Variants in CORO2A observed in about 807,000 individuals in gnomAD.
CORO2A encodes coronin 2A, also known as coronin-2A.
Under a neutral mutation model 62.4 loss-of-function variants are expected in CORO2A, and 47 were observed. The observed-to-expected ratio is 0.75, with a 90% CI of 0.60 to 0.96. CORO2A has a LOEUF of 0.96. Among genes scored for constraint, CORO2A ranks in the 40% least tolerant of loss-of-function variants. The pLI is 0.00. For missense variants in CORO2A, 610 were observed against 684.1 expected, an observed-to-expected ratio of 0.89 and a Z score of 1.21; for synonymous variants, 273 against 268.9, an observed-to-expected ratio of 1.02 and a Z score of -0.15.
chr9:98,130,371 G>A (rs1356226603), intron 7 of CORO2A, among the ~76,000 whole-genome samples: 1 of 152,198 alleles, frequency 6.6e-6, no homozygotes, highest in Non-Finnish European at 1.5e-5. Flanking sequence ...ATAGGCATGA[G>A]CCACTGTGCT....
intron 1 of CORO2A, among the ~76,000 whole-genome samples, chr9:98,163,106 T>C (rs1466625424): frequency 6.6e-6 from 1 of 152,246 alleles, no homozygotes; most frequent in Non-Finnish European, 1.5e-5. Flanking sequence ...CCTGATGCCA[T>C]GGGATTAGGC....
chr9:98,176,343 T>C (rs1777977671), intron 1 of CORO2A, among the ~76,000 whole-genome samples: 1 of 152,216 alleles, frequency 6.6e-6, no homozygotes, highest in South Asian at 2.1e-4. Flanking sequence ...AATTCTGCCC[T>C]TCTTTCCCCA....
intron 6 of CORO2A, 63 bp from the exon 7 acceptor site, chr9:98,131,122 C>T (rs955707291): frequency 4.8e-5 from 54 of 1,123,318 alleles, no homozygotes; most frequent in Non-Finnish European, 6.4e-5. Context: ...GTGGTGCTCC[C>T]GGAGATAAGA....
intron 2 of CORO2A, among the ~76,000 whole-genome samples, chr9:98,154,136 T>C (rs973402710): frequency 8.0e-5 from 12 of 150,246 alleles, no homozygotes; most frequent in African/African-American, 2.5e-4. Flanking sequence ...CAATATTTTT[T>C]TCTTTCTTAT....
At chr9:98,190,921 G>A (rs1828298603) in intron 1 of CORO2A, among the ~76,000 whole-genome samples, 1 of 152,214 alleles carries the variant, frequency 6.6e-6, no homozygotes, top group Non-Finnish European at 1.5e-5. Flanking sequence ...CTCCACCATG[G>A]CCGCAGGGCA....
chr9:98,132,087 G>T (rs1827416245), intron 6 of CORO2A, 98 bp downstream of exon 6: 2 of 930,052 alleles, frequency 2.2e-6, no homozygotes, highest in South Asian at 1.4e-5. Flanking sequence ...CGCTAAATGT[G>T]TGTGTCATAA....
At chr9:98,132,324 T>C (rs1827420559) in intron 5 of CORO2A, 23 bp from the exon 6 acceptor site, 3 of 1,596,574 alleles carry the variant, frequency 1.9e-6, no homozygotes, top group East Asian at 2.2e-5. Context: ...GTGCGGTCGG[T>C]ATTGGAGAGA....
chr9:98,148,771 A>G (rs1827681659), intron 2 of CORO2A, among the ~76,000 whole-genome samples: 2 of 145,246 alleles, frequency 1.4e-5, no homozygotes. Flanking sequence ...AAAACAAAAC[A>G]AACAAACAAA....
intron 2 of CORO2A, among the ~76,000 whole-genome samples, chr9:98,153,585 T>C (rs1827757010): frequency 6.6e-6 from 1 of 151,630 alleles, no homozygotes; most frequent in Non-Finnish European, 1.5e-5. Context: ...TAAAAAGCAA[T>C]TTTTTAAGAG....
At chr9:98,149,903 T>C (rs1297719366) in intron 2 of CORO2A, among the ~76,000 whole-genome samples, 1 of 151,888 alleles carries the variant, frequency 6.6e-6, no homozygotes, top group Non-Finnish European at 1.5e-5. Flanking sequence ...AGGATCAGGC[T>C]GTGTAGGACA....
chr9:98,127,862 G>C (rs180890830), intron 10 of CORO2A, among the ~76,000 whole-genome samples: 1 of 151,782 alleles, frequency 6.6e-6, no homozygotes, highest in Admixed American at 6.6e-5. Context: ...CAGAGGTAGG[G>C]GTGGGGAACA....
chr9:98,131,401 C>G (rs1322047136), intron 6 of CORO2A, among the ~76,000 whole-genome samples: 1 of 151,060 alleles, frequency 6.6e-6, no homozygotes, highest in African/African-American at 2.4e-5. Context: ...TCATAGCTCA[C>G]TGCAGTCTCA....
At chr9:98,172,079 TC>T (rs1828044617) in intron 1 of CORO2A, among the ~76,000 whole-genome samples, 1 of 151,868 alleles carries the variant, frequency 6.6e-6, no homozygotes, top group South Asian at 2.1e-4. Context: ...GGGAGAGAAT[TC>T]TGAGGCCTTC....
At chr9:98,140,116 C>T (rs1827545495) in intron 2 of CORO2A, among the ~76,000 whole-genome samples, 1 of 152,178 alleles carries the variant, frequency 6.6e-6, no homozygotes, top group South Asian at 2.1e-4. Context: ...GGCCCTCGAC[C>T]TCCCACATCC....
intron 1 of CORO2A, among the ~76,000 whole-genome samples, chr9:98,184,406 A>G (rs1828213130): frequency 6.6e-6 from 1 of 152,152 alleles, no homozygotes; most frequent in African/African-American, 2.4e-5. Flanking sequence ...AATTAGCTTG[A>G]TGTCTGTCTG....
intron 1 of CORO2A, among the ~76,000 whole-genome samples, chr9:98,180,002 C>CAAACAAAACAAAACA (rs148470079): frequency 6.6e-6 from 1 of 151,498 alleles, no homozygotes; most frequent in Non-Finnish European, 1.5e-5. Flanking sequence ...GACTCCATCT[C>CAAACAAAACAAAACA]AAACAAAACA....
Position 98,156,015 on chromosome 9 carries a change from T to A in CORO2A, c.201+1445A>T, listed in dbSNP as rs558065548. 1.1e-4 allele frequency among the ~76,000 whole-genome samples: 16 copies of A among 151,832 alleles called. No homozygotes were observed. The South Asian group carries it at 3.3e-3, about 32-fold the overall frequency. Reference sequence around the variant, plus strand: ...CTTTTTATTATCTCCTTCCTCAAACTTTCTTTGGGTTTATTCTGCTGCTCT... The same window carrying A: ...CTTTTTATTATCTCCTTCCTCAAACATTCTTTGGGTTTATTCTGCTGCTCT... On this transcript the variant is annotated intron_variant, in intron 2 of 11. Coordinates refer to ENST00000375077, the MANE Select transcript of CORO2A (RefSeq NM_052820.4).
At chr9:98,183,438 C>T (rs972226294) in intron 1 of CORO2A, among the ~76,000 whole-genome samples, 1 of 152,216 alleles carries the variant, frequency 6.6e-6, no homozygotes, top group Admixed American at 6.5e-5. Flanking sequence ...CAGGCCTTAC[C>T]AAAGTCCTTA....
chr9:98,128,499 G>A, intron 9 of CORO2A, 108 bp downstream of exon 9: 1 of 997,666 alleles, frequency 1.0e-6, no homozygotes, highest in Non-Finnish European at 1.6e-6. Flanking sequence ...CCGCTCTGTG[G>A]CTGCCCCATG....
Sources: gnomAD v4.1 joint callset for allele counts (sites outside exome capture counted in the v4.1 genomes callset) on GRCh38, gnomAD v4.1.1 for gene constraint, MANE v1.5 for transcripts, NCBI Gene and HGNC (gene_info 2026-07-23, HGNC 2026-07-21) for gene names.